SCAPER: variants seen among roughly 807,000 people sequenced by gnomAD.
SCAPER encodes the protein S phase cyclin A-associated protein in the endoplasmic reticulum.
A neutral mutation model predicts 182.2 loss-of-function variants in SCAPER; 98 were observed. That is an observed-to-expected ratio of 0.54 (90% CI 0.46 to 0.64). SCAPER has a LOEUF of 0.64. Ranked by LOEUF, SCAPER falls within the 30% of genes least tolerant of loss-of-function variation. SCAPER has a pLI of 0.00. For missense variants in SCAPER, 1,432 were observed against 1,690.0 expected, an observed-to-expected ratio of 0.85 and a Z score of 2.68; for synonymous variants, 605 against 564.6, an observed-to-expected ratio of 1.07 and a Z score of -1.01.
chr15:76,474,695 G>T (rs1411462769), intron 24 of SCAPER, among the ~76,000 whole-genome samples: 1 of 152,084 alleles, frequency 6.6e-6, no homozygotes, highest in Non-Finnish European at 1.5e-5. Flanking sequence ...CCTTATTATG[G>T]CTATTAGTCT....
chr15:76,871,837 C>T (rs1430726216), intron 2 of SCAPER, among the ~76,000 whole-genome samples: 2 of 151,978 alleles, frequency 1.3e-5, no homozygotes, highest in South Asian at 2.1e-4. Flanking sequence ...GTGATCCACC[C>T]GCCTCAGCCT....
intron 28 of SCAPER, among the ~76,000 whole-genome samples, chr15:76,379,346 G>C (rs185679953): frequency 1.3e-5 from 2 of 152,174 alleles, no homozygotes; most frequent in Non-Finnish European, 2.9e-5. Flanking sequence ...AGAGTTGCAT[G>C]AGAAGAAGGA....
rs1172383380 is a variant in SCAPER, at chr15:76,498,421, G to GA, written c.2954+6437dup. The GA allele has an allele frequency of 1.1e-4, 17 of 152,340 alleles. No individual in the cohort carries two copies. The South Asian group carries it at 3.3e-3, about 30-fold the overall frequency. 9.4% of individuals were successfully genotyped at this position (152,340 alleles called of 1,614,324 possible). A position where few individuals can be genotyped will look rare whatever the true frequency, so the allele number is the denominator to read the frequency against. ...AGCCTCTACACAACACAAAGAGAGG[G>GA]AAACAGAAGGCTTTGGAGACAAACC... On this transcript the variant is annotated intron_variant, in intron 24 of 31. Transcript: ENST00000563290.
intron 17 of SCAPER, among the ~76,000 whole-genome samples, chr15:76,726,045 T>A (rs765756824): frequency 1.4e-5 from 2 of 144,946 alleles, no homozygotes; most frequent in African/African-American, 5.1e-5. Flanking sequence ...ATAGACAATA[T>A]CAACAAAATG....
chr15:76,554,493 G>A (rs762281694), intron 23 of SCAPER, among the ~76,000 whole-genome samples: 3 of 152,166 alleles, frequency 2.0e-5, no homozygotes, highest in Non-Finnish European at 4.4e-5. Context: ...ACCACTGTGA[G>A]ACAGTATACA....
At chr15:76,766,422 A>G in intron 11 of SCAPER, among the ~76,000 whole-genome samples, 1 of 152,164 alleles carries the variant, frequency 6.6e-6, no homozygotes, top group Non-Finnish European at 1.5e-5. Flanking sequence ...ATACAAAAGT[A>G]AAATACCTTA....
At chr15:76,611,422 A>T (rs1158927947) in intron 22 of SCAPER, among the ~76,000 whole-genome samples, 2 of 152,200 alleles carry the variant, frequency 1.3e-5, no homozygotes, top group Non-Finnish European at 2.9e-5. Context: ...TGAGTTCTGA[A>T]ATTGAGGCAG....
At chr15:76,367,706 G>A (rs551101396) in intron 29 of SCAPER, among the ~76,000 whole-genome samples, 1 of 152,166 alleles carries the variant, frequency 6.6e-6, no homozygotes, top group Non-Finnish European at 1.5e-5. Flanking sequence ...AACTACCCTT[G>A]TGTGGAAAAA....
At chr15:76,886,705 T>C (rs915889351) in intron 1 of SCAPER, among the ~76,000 whole-genome samples, 1 of 152,210 alleles carries the variant, frequency 6.6e-6, no homozygotes, top group African/African-American at 2.4e-5. Context: ...TACACCTGTA[T>C]GCGCATTGCA....
chr15:76,716,739 CAGAAG>C (rs2059906322), intron 17 of SCAPER, among the ~76,000 whole-genome samples: 2 of 151,106 alleles, frequency 1.3e-5, no homozygotes, highest in African/African-American at 2.4e-5. Flanking sequence ...TGAAATGACT[CAGAAG>C]AGAAGAAAAA....
At chr15:76,755,440 A>C (rs2062362124) in intron 14 of SCAPER, among the ~76,000 whole-genome samples, 1 of 152,222 alleles carries the variant, frequency 6.6e-6, no homozygotes, top group South Asian at 2.1e-4. Flanking sequence ...TAAATCACAC[A>C]CTAAAAGTAA....
intron 20 of SCAPER, among the ~76,000 whole-genome samples, chr15:76,667,110 G>A (rs543562807): frequency 1.1e-4 from 16 of 152,014 alleles, no homozygotes; most frequent in Admixed American, 2.0e-4. Flanking sequence ...GCTCTCATTC[G>A]CTCCCAAACT....
intron 24 of SCAPER, among the ~76,000 whole-genome samples, chr15:76,501,345 TA>T (rs35025661): frequency 0.52 from 65,872 of 126,860 alleles, 15,884 homozygotes; most frequent in Middle Eastern, 0.59. Flanking sequence ...CAATTTCATG[TA>T]AAAAAAAAAA....
At chr15:76,493,108 T>C (rs1466955441) in intron 24 of SCAPER, among the ~76,000 whole-genome samples, 2 of 152,124 alleles carry the variant, frequency 1.3e-5, no homozygotes, top group Non-Finnish European at 1.5e-5. Flanking sequence ...GAGAAGGGTC[T>C]TCAAGGGGTG....
chr15:76,637,740 ATATGTGTGTGTGTGTGTGTGTG>A (rs1359819011), intron 21 of SCAPER, among the ~76,000 whole-genome samples: 8 of 31,924 alleles, frequency 2.5e-4, no homozygotes, highest in Admixed American at 6.1e-4. Flanking sequence ...ATATATATAT[ATATGTGTGTGTGTGTGTGTGTG>A]TGTGTGTGTG....
At chr15:76,774,671 G>T (rs2063644038) in intron 9 of SCAPER, among the ~76,000 whole-genome samples, 184 bp downstream of exon 9, 1 of 152,260 alleles carries the variant, frequency 6.6e-6, no homozygotes, top group East Asian at 1.9e-4. Context: ...ATGTTAATTT[G>T]TGAATGTAGG....
At chr15:76,443,460 T>C (rs2047763383) in intron 25 of SCAPER, among the ~76,000 whole-genome samples, 1 of 152,162 alleles carries the variant, frequency 6.6e-6, no homozygotes. Context: ...TACAAAAAGT[T>C]TATGGGGACA....
At chr15:76,626,042 G>A (rs1380093684) in intron 21 of SCAPER, among the ~76,000 whole-genome samples, 3 of 152,180 alleles carry the variant, frequency 2.0e-5, no homozygotes, top group Admixed American at 6.5e-5. Flanking sequence ...GAAAGTTTGC[G>A]AATTTGTGTT....
chr15:76,636,722 A>C (rs1370985909), intron 21 of SCAPER, among the ~76,000 whole-genome samples: 1 of 152,192 alleles, frequency 6.6e-6, no homozygotes, highest in Non-Finnish European at 1.5e-5. Flanking sequence ...AAATGCCACA[A>C]AACTCTCCTA....
Sources: allele counts gnomAD v4.1 joint callset (sites outside exome capture counted in the v4.1 genomes callset), GRCh38; gene constraint gnomAD v4.1.1; transcripts MANE v1.5; gene names NCBI Gene and HGNC (gene_info 2026-07-23, HGNC 2026-07-21).